Variants in LRRC27 observed in about 807,000 individuals in gnomAD.
LRRC27 encodes the protein leucine-rich repeat-containing protein 27.
Under a neutral mutation model 55.0 loss-of-function variants are expected in LRRC27, and 57 were observed. That is an observed-to-expected ratio of 1.04 (90% CI 0.84 to 1.29). The LOEUF is 1.29. LRRC27 is among the 50% of genes most tolerant of loss of function. The pLI, the probability that LRRC27 is intolerant of heterozygous loss-of-function variation, is 0.00. For synonymous variants in LRRC27, 278 were observed against 251.9 expected (o/e 1.10, Z -0.98); for missense variants, 721 against 651.5 (o/e 1.11, Z -1.16).
intron 4 of LRRC27, among the ~76,000 whole-genome samples, chr10:132,342,784 G>C (rs1394936791): frequency 6.6e-6 from 1 of 152,154 alleles, no homozygotes; most frequent in Non-Finnish European, 1.5e-5. Flanking sequence ...TGTCGGACTA[G>C]TAGCCCAGGA....
chr10:132,370,871 G>A (rs74161797), intron 10 of LRRC27, among the ~76,000 whole-genome samples: 99 of 152,320 alleles, frequency 6.5e-4, no homozygotes, highest in African/African-American at 2.3e-3. Flanking sequence ...TATAATCCTG[G>A]TGAGACGATC....
intron 9 of LRRC27, among the ~76,000 whole-genome samples, chr10:132,364,776 A>G: frequency 1.7e-5 from 2 of 116,320 alleles, no homozygotes; most frequent in Admixed American, 1.6e-4. Flanking sequence ...GCTTACATCT[A>G]CCTCCACGCC....
rs766282125 is a variant in LRRC27 at position 132,380,400 on chromosome 10, G to A, written c.*5158G>A. Among the ~76,000 whole-genome samples, 3 of 152,246 alleles carry A rather than the reference G, an allele frequency of 2.0e-5. No homozygotes were observed. Among genetic ancestry groups the A allele is most frequent in the Non-Finnish European group, 4.4e-5 (3 of 68,044 alleles). On this transcript the variant is annotated 3_prime_UTR_variant, in exon 11 of 11. Transcript: ENST00000368614. ...AAAGCCACCTCCTGTTGCTATTGCA[G>A]TGAGCGCAAGCATGTCAAGGATCCG...
At chr10:132,364,913 C>T (rs529429043) in intron 9 of LRRC27, among the ~76,000 whole-genome samples, 2 of 103,898 alleles carry the variant, frequency 1.9e-5, no homozygotes, top group African/African-American at 5.9e-5. Context: ...AGCAGATCCC[C>T]AGCTCTTTCT....
chr10:132,365,759 C>T (rs556901085), intron 10 of LRRC27, among the ~76,000 whole-genome samples: 7 of 152,154 alleles, frequency 4.6e-5, no homozygotes, highest in South Asian at 2.1e-4. Flanking sequence ...CCACCATGCC[C>T]GGCTAATTTT....
intron 7 of LRRC27, chr10:132,352,949 G>T (rs751445825): frequency 6.2e-7 from 1 of 1,613,728 alleles, no homozygotes. Context: ...GTTCATTCTT[G>T]TGTTGCTGTG....
Position 132,344,527 on chromosome 10 carries a change from C to G in LRRC27, c.430C>G (p.Leu144Val). The change falls in exon 5 of 11, where the codon CTA (leucine) becomes GTA (valine). Residue 144 changes from leucine (L) to valine (V), a missense_variant. Leu to Val is a conservative substitution (Grantham distance 32). Coordinates refer to ENST00000368614, the MANE Select transcript of LRRC27 (RefSeq NM_030626.3). ...GSVTTLKALN[L>V]RHCPLEFPPQ... Reference sequence around the variant, plus strand: ...CGTAACCACGCTGAAAGCACTGAACCTAAGACACTGCCCTCTGGAATTCCC... The same window carrying G: ...CGTAACCACGCTGAAAGCACTGAACGTAAGACACTGCCCTCTGGAATTCCC... The G allele has an allele frequency of 6.2e-7, 1 of 1,614,090 alleles. No homozygotes were observed. Among genetic ancestry groups the G allele is most frequent in the Non-Finnish European group, 8.5e-7 (1 of 1,179,986 alleles).
At position 132,379,855 on chromosome 10, in the gene LRRC27, T is replaced by G. The variant is rs2069389025; in HGVS notation, c.*4613T>G. ...TTTAAAAAAATATATATTGCAAAAA[T>G]TTTTGGAAATTTGCAACAATTTGAA... is the stretch of plus-strand genomic sequence containing the variant. On this transcript the variant is annotated 3_prime_UTR_variant, in exon 11 of 11. Coordinates refer to ENST00000368614, the MANE Select transcript of LRRC27 (RefSeq NM_030626.3). 1 of 152,322 alleles carries G rather than the reference T, an allele frequency of 6.6e-6. No individual in the cohort carries two copies. Among genetic ancestry groups the G allele is most frequent in the Non-Finnish European group, 1.5e-5 (1 of 68,148 alleles). The allele number at this position is 152,322 out of a possible 1,614,324, so 9.4% of individuals were successfully genotyped here.
Position 132,344,581 on chromosome 10 carries a change from G to T in LRRC27, c.484G>T (p.Val162Leu), listed in dbSNP as rs1253282051. The change falls in exon 5 of 11, where the codon GTG (valine) becomes TTG (leucine). Residue 162 changes from valine (V) to leucine (L), a missense_variant. Coordinates refer to ENST00000368614, the MANE Select transcript of LRRC27 (RefSeq NM_030626.3). ...TCAGCTCGTTGTGCAGAAGGGATTG[G>T]TGGCTATCCAGCGCTTCCTGCGGAT... ...PPQLVVQKGL[V>L]AIQRFLRMWA... 1.2e-6 allele frequency: 2 copies of T among 1,614,168 alleles called. No homozygotes were observed. The highest frequency in any genetic ancestry group is 1.7e-6 in the Non-Finnish European group (2 of 1,180,028).
chr10:132,337,922 T>C (rs548058545), intron 3 of LRRC27, among the ~76,000 whole-genome samples: 4 of 152,320 alleles, frequency 2.6e-5, no homozygotes, highest in South Asian at 4.1e-4. Context: ...ACAGTGTCTT[T>C]TTGCTGGGCA....
chr10:132,337,743 C>T (rs773790021), intron 3 of LRRC27, 48 bp downstream of exon 3: 23 of 1,598,228 alleles, frequency 1.4e-5, no homozygotes, highest in East Asian at 4.5e-5. Context: ...TTTCAGTGCA[C>T]GAGTGCCTGT....
chr10:132,335,520 G>C (rs1469881412), intron 2 of LRRC27, among the ~76,000 whole-genome samples: 1 of 151,344 alleles, frequency 6.6e-6, no homozygotes, highest in South Asian at 2.1e-4. Flanking sequence ...TTGGTTGTTG[G>C]GTAGGGGCTG....
chr10:132,371,592 C>CT (rs2069218085), intron 10 of LRRC27, among the ~76,000 whole-genome samples: 2 of 152,198 alleles, frequency 1.3e-5, no homozygotes, highest in South Asian at 2.1e-4. Context: ...TCCCCAGGGT[C>CT]TTTCCTGTAA....
chr10:132,360,343 GC>G (rs2133032693), intron 8 of LRRC27, among the ~76,000 whole-genome samples: 1 of 152,278 alleles, frequency 6.6e-6, no homozygotes, highest in South Asian at 2.1e-4. Flanking sequence ...CAGTCCACCC[GC>G]CCCGGCCTCC....
chr10:132,330,430 C>T, upstream of LRRC27: 2 of 717,296 alleles, frequency 2.8e-6, no homozygotes, highest in Middle Eastern at 2.3e-4. Context: ...CTTGCTCTGC[C>T]CGGGTGGCTG....
intron 2 of LRRC27, 28 bp from the exon 3 acceptor site, chr10:132,337,537 C>T (rs950096801): frequency 2.5e-6 from 4 of 1,606,766 alleles, no homozygotes; most frequent in Admixed American, 3.4e-5. Flanking sequence ...GTTAACAAAA[C>T]ATTCTCTGAT....
intron 7 of LRRC27, among the ~76,000 whole-genome samples, chr10:132,355,588 T>G (rs2068270137): frequency 6.6e-6 from 1 of 152,148 alleles, no homozygotes. Context: ...AGCCTCGGGA[T>G]AGAACCCGGC....
chr10:132,357,861 G>C (rs184719874), intron 8 of LRRC27, among the ~76,000 whole-genome samples: 1 of 152,152 alleles, frequency 6.6e-6, no homozygotes, highest in African/African-American at 2.4e-5. Context: ...ACGGGAGCGC[G>C]CACCTAGTGC....
In LRRC27 at chr10:132,355,878, AG is replaced by A; in HGVS notation, c.1164del (p.Ser389AlafsTer13). On this transcript the variant is annotated frameshift_variant, in exon 8 of 11. Coordinates refer to ENST00000368614, the MANE Select transcript of LRRC27 (RefSeq NM_030626.3). LOFTEE classifies it high-confidence loss of function. ...GCTCAGCAAACTCCTGCCTCCGCGGAGGAGCATGGTACGGCACGCGCGGGCG... is the reference window on the plus strand; with the variant it reads ...GCTCAGCAAACTCCTGCCTCCGCGGAGAGCATGGTACGGCACGCGCGGGCG... ...EELSKLLPPR[R>X]SMVASKIPSA... The A allele has an allele frequency of 6.4e-7, 1 of 1,553,788 alleles. No homozygotes were observed. Among genetic ancestry groups the A allele is most frequent in the African/African-American group, 1.4e-5 (1 of 73,172 alleles).
Sources: allele counts gnomAD v4.1 joint callset (sites outside exome capture counted in the v4.1 genomes callset), GRCh38; gene constraint gnomAD v4.1.1; transcripts MANE v1.5; gene names NCBI Gene and HGNC (gene_info 2026-07-23, HGNC 2026-07-21).